NDFIP2: variants seen among roughly 807,000 people sequenced by gnomAD.
The protein encoded by NDFIP2 is NEDD4 family-interacting protein 2.
In NDFIP2, 19 loss-of-function variants were observed where a neutral mutation model predicts 36.0. That is an observed-to-expected ratio of 0.53 (90% CI 0.37 to 0.77). The LOEUF is 0.77. Among genes scored for constraint, NDFIP2 ranks in the 30% least tolerant of loss-of-function variants. The pLI is 0.00. For missense variants in NDFIP2, 446 were observed against 435.8 expected (o/e 1.02, Z -0.21); for synonymous variants, 181 against 167.7 (o/e 1.08, Z -0.61).
At chr13:79,495,043 T>C (rs1286376603) in intron 1 of NDFIP2, among the ~76,000 whole-genome samples, 1 of 151,946 alleles carries the variant, frequency 6.6e-6, no homozygotes, top group Non-Finnish European at 1.5e-5. Flanking sequence ...ATGGTTTACT[T>C]TTTTGTGTGT....
chr13:79,534,211 A>G (rs983358440), intron 3 of NDFIP2, among the ~76,000 whole-genome samples: 3 of 152,110 alleles, frequency 2.0e-5, no homozygotes, highest in African/African-American at 7.2e-5. Context: ...TCCATGGCCT[A>G]TCATTTTAAT....
Position 79,507,376 on chromosome 13 carries a change from C to T in NDFIP2, c.322-13434C>T. Among the ~76,000 whole-genome samples, 2 of 26,688 alleles carry T rather than the reference C, an allele frequency of 7.5e-5. 1 individual carries two copies. The highest frequency in any genetic ancestry group is 1.1e-4 in the Non-Finnish European group (2 of 17,520). The allele number at this position is 26,688 out of a possible 152,430, so 17.5% of individuals were successfully genotyped here. A position where few individuals can be genotyped will look rare whatever the true frequency, so the allele number is the denominator to read the frequency against. ...GCAAGCTCCGCCTCCCGGGTTCACG[C>T]CATTCTCCTGCCTCAGCCTCCCAAG... On this transcript the variant is annotated intron_variant, in intron 1 of 7. Transcript: ENST00000218652.
In NDFIP2 at chr13:79,555,724, T is replaced by C. The variant is rs562863885; in HGVS notation, c.*3211T>C. The C allele has an allele frequency of 2.6e-5, 4 of 152,282 alleles. No homozygotes were observed. Among genetic ancestry groups the C allele is most frequent in the East Asian group, 1.9e-4 (1 of 5,194 alleles). 9.4% of individuals were successfully genotyped at this position (152,282 alleles called of 1,614,324 possible). On this transcript the variant is annotated 3_prime_UTR_variant, in exon 8 of 8. Transcript: ENST00000218652. Reference sequence around the variant, plus strand: ...CTTCAAATAGTCATATGAAAACATATATTTGATAAAGGTCAATTGTTAGAT... The same window carrying C: ...CTTCAAATAGTCATATGAAAACATACATTTGATAAAGGTCAATTGTTAGAT...
intron 1 of NDFIP2, among the ~76,000 whole-genome samples, chr13:79,487,622 T>C (rs972931207): frequency 6.6e-6 from 1 of 152,158 alleles, no homozygotes; most frequent in African/African-American, 2.4e-5. Flanking sequence ...CACCAGACTT[T>C]TTTCCAAAGT....
In NDFIP2 at chr13:79,539,410, G is replaced by C. The variant is rs1008717453; in HGVS notation, c.622-272G>C. 3.3e-5 allele frequency among the ~76,000 whole-genome samples: 5 copies of C among 152,224 alleles called. No individual in the cohort carries two copies. The East Asian group carries it at 9.7e-4, about 29-fold the overall frequency. On this transcript the variant is annotated intron_variant, in intron 3 of 7. Coordinates refer to ENST00000218652, the MANE Select transcript of NDFIP2 (RefSeq NM_019080.3). Reference sequence around the variant, plus strand: ...CATTACTAATGGAGCACTGTCACATGTATCTTCTTGATACCATTTTTATGA... The same window carrying C: ...CATTACTAATGGAGCACTGTCACATCTATCTTCTTGATACCATTTTTATGA...
chr13:79,545,352 A>G (rs1875626705), intron 5 of NDFIP2, among the ~76,000 whole-genome samples: 1 of 152,234 alleles, frequency 6.6e-6, no homozygotes, highest in East Asian at 1.9e-4. Flanking sequence ...TAGATTATCT[A>G]GTTATCACCT....
chr13:79,486,918 G>C lies in NDFIP2; in HGVS notation c.321+5394G>C, dbSNP rs564611482. Among the ~76,000 whole-genome samples the C allele has an allele frequency of 7.2e-5, 11 of 152,260 alleles. No homozygotes were observed. In the East Asian group the frequency reaches 2.1e-3, roughly 29 times the overall value. On this transcript the variant is annotated intron_variant, in intron 1 of 7. Transcript: ENST00000218652. ...GACCATACGGCATAGTATGTAGTAG[G>C]CTATATATACCATCTAGATTTGTGT...
intron 5 of NDFIP2, among the ~76,000 whole-genome samples, chr13:79,544,769 A>C (rs1875599066): frequency 6.6e-6 from 1 of 152,122 alleles, no homozygotes; most frequent in Non-Finnish European, 1.5e-5. Flanking sequence ...AGTACCCACT[A>C]TGAAAATATT....
intron 1 of NDFIP2, among the ~76,000 whole-genome samples, chr13:79,509,777 A>T (rs1464101223): frequency 6.6e-6 from 1 of 152,078 alleles, no homozygotes; most frequent in East Asian, 1.9e-4. Context: ...TAGCAAGGAG[A>T]GCTGTTCTGA....
intron 1 of NDFIP2, among the ~76,000 whole-genome samples, chr13:79,490,289 C>T (rs56306982): frequency 0.011 from 1,718 of 152,238 alleles, 35 homozygotes; most frequent in African/African-American, 0.04. Flanking sequence ...ACTTATAAAA[C>T]TGATATTTAG....
chr13:79,507,900 C>T (rs1346482604), intron 1 of NDFIP2, among the ~76,000 whole-genome samples: 2 of 151,742 alleles, frequency 1.3e-5, no homozygotes, highest in East Asian at 3.9e-4. Context: ...ATCCCTTTAA[C>T]ATTATCCTGA....
At chr13:79,537,743 C>T (rs897834298) in intron 3 of NDFIP2, among the ~76,000 whole-genome samples, 11 of 152,208 alleles carry the variant, frequency 7.2e-5, no homozygotes, top group Non-Finnish European at 1.6e-4. Context: ...TCAAGTTCCA[C>T]TTTGACCCTC....
intron 1 of NDFIP2, among the ~76,000 whole-genome samples, chr13:79,494,333 G>T (rs1873356026): frequency 6.6e-6 from 1 of 152,048 alleles, no homozygotes; most frequent in South Asian, 2.1e-4. Flanking sequence ...GGTTAAATCA[G>T]TGACAAGTAT....
At chr13:79,521,934 C>T (rs1330781014) in intron 2 of NDFIP2, among the ~76,000 whole-genome samples, 11 of 151,164 alleles carry the variant, frequency 7.3e-5, no homozygotes, top group Admixed American at 6.6e-4. Flanking sequence ...ACGCCATTCT[C>T]CTGCCTCAGC....
chr13:79,541,513 C>T (rs2137111063), intron 4 of NDFIP2, among the ~76,000 whole-genome samples: 1 of 151,428 alleles, frequency 6.6e-6, no homozygotes, highest in Middle Eastern at 3.4e-3. Flanking sequence ...AATATTGTAC[C>T]AACATTATAA....
At chr13:79,507,607 A>G (rs1269444281) in intron 1 of NDFIP2, among the ~76,000 whole-genome samples, 3 of 149,268 alleles carry the variant, frequency 2.0e-5, no homozygotes, top group East Asian at 2.0e-4. Flanking sequence ...TGTTTTCATC[A>G]TGGGGTAGTT....
chr13:79,533,438 A>G lies in NDFIP2; in HGVS notation c.603A>G (p.Ala201=), dbSNP rs752053593. The G allele has an allele frequency of 5.0e-6, 8 of 1,601,074 alleles. No homozygotes were observed. The African/African-American group carries it at 9.4e-5, about 19-fold the overall frequency. Residue 201 remains alanine (A), a synonymous_variant, in exon 3 of 8, where the codon GCA becomes GCG. Coordinates refer to ENST00000218652, the MANE Select transcript of NDFIP2 (RefSeq NM_019080.3). ...KAKAAAMAAA[A]AETSQRIQEE... is the part of the protein sequence containing the mutation. The stretch of plus-strand genomic sequence containing the variant: ...AAGCTGCTGCAATGGCAGCTGCAGC[A>G]GCAGAAACATCTCAAAGAGTAAGAA...
At chr13:79,486,261 C>T (rs1429890571) in intron 1 of NDFIP2, among the ~76,000 whole-genome samples, 2 of 152,086 alleles carry the variant, frequency 1.3e-5, no homozygotes, top group Non-Finnish European at 2.9e-5. Flanking sequence ...CTTCAGTGGC[C>T]CCTTACTGAA....
intron 1 of NDFIP2, among the ~76,000 whole-genome samples, chr13:79,482,677 T>G (rs1315638176): frequency 6.6e-6 from 1 of 152,198 alleles, no homozygotes; most frequent in African/African-American, 2.4e-5. Flanking sequence ...TTGGCAAATA[T>G]GAAGGAACTG....
Sources: allele counts gnomAD v4.1 joint callset (sites outside exome capture counted in the v4.1 genomes callset), GRCh38; gene constraint gnomAD v4.1.1; transcripts MANE v1.5; gene names NCBI Gene and HGNC (gene_info 2026-07-23, HGNC 2026-07-21).